BICRA: variants seen among roughly 807,000 people sequenced by gnomAD.
BICRA encodes BRD4-interacting chromatin-remodeling complex-associated protein.
Under a neutral mutation model 96.9 loss-of-function variants are expected in BICRA, and 31 were observed. The ratio of observed to expected loss-of-function variants is 0.32; its 90% CI spans 0.24 to 0.43. The LOEUF (loss-of-function observed/expected upper bound fraction) is 0.43, where lower values mean the gene tolerates loss of function less well. Among genes scored for constraint, BICRA ranks in the 20% least tolerant of loss-of-function variants. The pLI, the probability that BICRA is intolerant of heterozygous loss-of-function variation, is 1.00. For missense variants in BICRA, 2,283 were observed against 2,190.3 expected (o/e 1.04, Z -0.84); for synonymous variants, 1,350 against 1,071.8 (o/e 1.26, Z -5.07).
chr19:47,611,307 T>C (rs1971903669), intron 1 of BICRA, among the ~76,000 whole-genome samples: 1 of 151,410 alleles, frequency 6.6e-6, no homozygotes, highest in African/African-American at 2.4e-5. Flanking sequence ...TGAGAAGGGG[T>C]AAGATGCACC....
At chr19:47,609,091 C>T (rs1402738633), upstream of BICRA, 1 of 148,460 alleles carries the variant, frequency 6.7e-6, no homozygotes, top group Non-Finnish European at 1.5e-5. Flanking sequence ...GGCCGGCCGG[C>T]CCCTTCTGGG....
At chr19:47,666,636 A>G (rs1050500833) in intron 1 of BICRA, among the ~76,000 whole-genome samples, 1 of 151,850 alleles carries the variant, frequency 6.6e-6, no homozygotes, top group Non-Finnish European at 1.5e-5. Context: ...TGGTGGTGCA[A>G]TCTTGGTTCA....
chr19:47,627,605 G>C (rs1199037898), intron 1 of BICRA, among the ~76,000 whole-genome samples: 1 of 152,070 alleles, frequency 6.6e-6, no homozygotes, highest in East Asian at 1.9e-4. Flanking sequence ...ATACTAAGAG[G>C]GAGATCTAAG....
At chr19:47,650,456 C>A (rs1294214693) in intron 1 of BICRA, among the ~76,000 whole-genome samples, 1 of 152,102 alleles carries the variant, frequency 6.6e-6, no homozygotes, top group African/African-American at 2.4e-5. Context: ...AGGATTTCAC[C>A]ATGTTGACTA....
chr19:47,664,524 C>T (rs143610002), intron 1 of BICRA, among the ~76,000 whole-genome samples: 108 of 152,256 alleles, frequency 7.1e-4, no homozygotes, highest in African/African-American at 2.5e-3. Context: ...GTGTCCTGAC[C>T]ACCTCCGAGT....
At chr19:47,610,452 C>T (rs1040882186) in intron 1 of BICRA, among the ~76,000 whole-genome samples, 3 of 152,290 alleles carry the variant, frequency 2.0e-5, no homozygotes, top group African/African-American at 7.2e-5. Context: ...CTTTGTGGTT[C>T]TGAGCAGCTG....
chr19:47,697,016 G>A (rs115366714), intron 11 of BICRA, among the ~76,000 whole-genome samples: 2,140 of 150,730 alleles, frequency 0.014, 57 homozygotes, highest in African/African-American at 0.049. Flanking sequence ...GTTTTAGGGG[G>A]GGTTCTTTGA....
intron 7 of BICRA, among the ~76,000 whole-genome samples, chr19:47,693,687 G>A (rs1023802343): frequency 6.6e-6 from 1 of 152,124 alleles, no homozygotes; most frequent in Non-Finnish European, 1.5e-5. Flanking sequence ...CTCCTTCCCC[G>A]CTGCTGTGCT....
At chr19:47,647,213 T>TC (rs1972472680) in intron 1 of BICRA, among the ~76,000 whole-genome samples, 1 of 152,148 alleles carries the variant, frequency 6.6e-6, no homozygotes, top group African/African-American at 2.4e-5. Context: ...GTTTTTTTTT[T>TC]CCAGTTTGCA....
intron 1 of BICRA, among the ~76,000 whole-genome samples, chr19:47,657,627 A>G (rs1412637008): frequency 1.3e-5 from 2 of 151,714 alleles, no homozygotes; most frequent in Admixed American, 6.6e-5. Context: ...CGATCTCCTG[A>G]CCTTGTGATC....
At chr19:47,671,750 GGATGGAAGGATGGAGGGATGGGCAAGTA>G (rs1972865267) in intron 2 of BICRA, among the ~76,000 whole-genome samples, 1 of 149,734 alleles carries the variant, frequency 6.7e-6, no homozygotes, top group Non-Finnish European at 1.5e-5. Flanking sequence ...GTAGGTAGAT[GGATGGAAGGATGGAGGGATGGGCAAGTA>G]GATGGAAGGA....
At chr19:47,650,108 A>G (rs551764627) in intron 1 of BICRA, among the ~76,000 whole-genome samples, 1 of 151,784 alleles carries the variant, frequency 6.6e-6, no homozygotes, top group Non-Finnish European at 1.5e-5. Context: ...GCATGCCACC[A>G]TGCCTGGCTA....
intron 1 of BICRA, among the ~76,000 whole-genome samples, chr19:47,613,324 A>G (rs559758299): frequency 9.9e-5 from 15 of 152,186 alleles, no homozygotes; most frequent in African/African-American, 3.6e-4. Flanking sequence ...CCTTGACTCC[A>G]GGTCTCAAGA....
chr19:47,622,723 CAAAA>C (rs756030830), intron 1 of BICRA, among the ~76,000 whole-genome samples: 2 of 31,870 alleles, frequency 6.3e-5, no homozygotes, highest in Non-Finnish European at 1.2e-4. Flanking sequence ...GACTCTGTCT[CAAAA>C]AAAAAAAAAA....
intron 5 of BICRA, among the ~76,000 whole-genome samples, chr19:47,678,241 G>C (rs371813365): frequency 2.0e-5 from 3 of 152,028 alleles, no homozygotes; most frequent in Admixed American, 2.0e-4. Context: ...TCAGCCTCCC[G>C]AGTAGCTGGG....
rs1055829490 is a variant in BICRA, at chr19:47,701,750, C to T, written c.4018C>T (p.Leu1340Phe). The T allele has an allele frequency of 6.4e-7, 1 of 1,550,450 alleles. No homozygotes were observed. The highest frequency in any genetic ancestry group is 1.4e-5 in the African/African-American group (1 of 73,104). The change falls in exon 15 of 15, where the codon CTC (leucine) becomes TTC (phenylalanine). Residue 1340 changes from leucine (L) to phenylalanine (F), a missense_variant. By Grantham distance (22) the Leu-to-Phe change is conservative. Coordinates refer to ENST00000594866, the MANE Select transcript of BICRA (RefSeq NM_001394372.1). This position sits in a 1 kb window ranked among gnomAD's most constrained non-coding sequence, Gnocchi z 5.4. ...CCAGCCCCCGCCACCCCCCGCTACC[C>T]TCAAGGTGGCCGAGCCCCCGCCACG... ...VHQPPPPPATLKVAEPPPRPP... is the reference protein window; with the variant it reads ...VHQPPPPPATFKVAEPPPRPP...
upstream of BICRA, among the ~76,000 whole-genome samples, chr19:47,608,934 A>ATT (rs563323203): frequency 7.4e-6 from 1 of 134,492 alleles, no homozygotes; most frequent in African/African-American, 2.7e-5. Context: ...ATTAAAAAAA[A>ATT]TTTTTTTTTT....
At chr19:47,693,964 G>A in intron 7 of BICRA, 151 bp from the exon 8 acceptor site, 1 of 881,672 alleles carries the variant, frequency 1.1e-6, no homozygotes, top group Non-Finnish European at 1.6e-6. Context: ...GGAGGGAAGG[G>A]CAGCCGTGGT....
chr19:47,611,472 G>C (rs543667062), intron 1 of BICRA, among the ~76,000 whole-genome samples: 2 of 152,280 alleles, frequency 1.3e-5, no homozygotes, highest in East Asian at 1.9e-4. Context: ...TGGCCCCACT[G>C]TCATCTTCTC....
Sources: allele counts gnomAD v4.1 joint callset (sites outside exome capture counted in the v4.1 genomes callset), GRCh38; gene constraint gnomAD v4.1.1; non-coding constraint Gnocchi (gnomAD v3.1); transcripts MANE v1.5; gene names NCBI Gene and HGNC (gene_info 2026-07-23, HGNC 2026-07-21).